MKI67: variants seen among roughly 807,000 people sequenced by gnomAD.
MKI67 encodes the protein proliferation marker protein Ki-67.
A neutral mutation model predicts 233.5 loss-of-function variants in MKI67; 152 were observed. The ratio of observed to expected loss-of-function variants is 0.65; its 90% CI spans 0.57 to 0.74. The LOEUF (loss-of-function observed/expected upper bound fraction) is 0.74, where lower values mean the gene tolerates loss of function less well. Among genes scored for constraint, MKI67 ranks in the 30% least tolerant of loss-of-function variants. The pLI is 0.00. For synonymous variants in MKI67, 1,465 were observed against 1,418.5 expected (o/e 1.03, Z -0.74); for missense variants, 3,940 against 3,885.2 (o/e 1.01, Z -0.37).
Position 128,108,167 on chromosome 10 carries a change from C to A in MKI67, c.3673G>T (p.Ala1225Ser). Residue 1225 changes from alanine (A) to serine (S), a missense_variant, in exon 13 of 15, where the codon GCT becomes TCT. Physicochemically the swap from Ala to Ser is moderately conservative, Grantham distance 99. Coordinates refer to ENST00000368654, the MANE Select transcript of MKI67 (RefSeq NM_002417.5). ...KEKAQALEDL[A>S]GFKELFQTPG... ...GTCTGGAAGAGCTCTTTAAAGCCAG[C>A]CAGGTCTTCTAGAGCCTGGGCCTTT... The A allele has an allele frequency of 6.2e-7, 1 of 1,611,222 alleles. No homozygotes were observed. The highest frequency in any genetic ancestry group is 2.2e-5 in the East Asian group (1 of 44,654).
intron 5 of MKI67, among the ~76,000 whole-genome samples, chr10:128,118,008 T>C (rs1852842724): frequency 6.6e-6 from 1 of 152,186 alleles, no homozygotes; most frequent in Non-Finnish European, 1.5e-5. Context: ...GTGGCTACAG[T>C]GTGGGATGCC....
intron 5 of MKI67, among the ~76,000 whole-genome samples, chr10:128,117,060 G>A (rs991404269): frequency 1.3e-5 from 2 of 152,312 alleles, no homozygotes; most frequent in Non-Finnish European, 2.9e-5. Context: ...AAAATAGTGA[G>A]TGATTAATAG....
chr10:128,126,343 C>G lies in MKI67; in HGVS notation c.-334G>C, dbSNP rs1015817165. The G allele has an allele frequency of 6.6e-6, 1 of 152,078 alleles. No homozygotes were observed. Among genetic ancestry groups the G allele is most frequent in the Non-Finnish European group, 1.5e-5 (1 of 67,988 alleles). 9.4% of individuals were successfully genotyped at this position (152,078 alleles called of 1,614,324 possible). A position where few individuals can be genotyped will look rare whatever the true frequency, so the allele number is the denominator to read the frequency against. On this transcript the variant is annotated 5_prime_UTR_variant, in exon 1 of 15. Coordinates refer to ENST00000368654, the MANE Select transcript of MKI67 (RefSeq NM_002417.5). ...TGGCCCTACAGGCTACGTCCCCGGG[C>G]GCCCGGCTCTAGCGGCTCCCACCGA... is the stretch of plus-strand genomic sequence containing the variant.
chr10:128,101,472 C>T lies in MKI67; in HGVS notation c.9491G>A (p.Ser3164Asn). 6.2e-7 allele frequency: 1 copy of T among 1,614,236 alleles called. No individual in the cohort carries two copies. ...RCLRSARQNE[S>N]SQPKVAEESG... is the part of the protein sequence containing the mutation. The stretch of plus-strand genomic sequence containing the variant: ...CTCCTCTGCCACCTTAGGCTGGGAG[C>T]TCTCATTCTGTCTAGCAGACCTCAA... Residue 3164 changes from serine (S) to asparagine (N), a missense_variant, in exon 14 of 15, where the codon AGC becomes AAC. Transcript: ENST00000368654.
In MKI67 at chr10:128,115,500, A is replaced by G; in HGVS notation, c.908T>C (p.Val303Ala). 1 of 1,614,180 alleles carries G rather than the reference A, an allele frequency of 6.2e-7. No individual in the cohort carries two copies. The highest frequency in any genetic ancestry group is 1.1e-5 in the South Asian group (1 of 91,080). ...RPKSGGSGHAVAEPASPEQEL... is the reference protein window; with the variant it reads ...RPKSGGSGHAAAEPASPEQEL... ...TTGTTCAGGTGAAGCAGGCTCTGCC[A>G]CAGCGTGGCCGCTCCCACCAGATTT... Residue 303 changes from valine to alanine, a missense_variant, in exon 7 of 15, where the codon GTG becomes GCG. Physicochemically the swap from Val to Ala is moderately conservative, Grantham distance 64 (BLOSUM62 0). Coordinates refer to ENST00000368654, the MANE Select transcript of MKI67 (RefSeq NM_002417.5).
rs765900004 is a variant in MKI67, at chr10:128,115,436, C to T, written c.972G>A (p.Glu324=). ...CAGCCTTGCTGGGAGTCTGAACAGA[C>T]TCCACGTCTCTTCCCTTCCCCTTGT... ...DQNKGKGRDV[E]SVQTPSKAVG... The change falls in exon 7 of 15, where the codon GAG becomes GAA. Residue 324 remains glutamate, a synonymous_variant. Coordinates refer to ENST00000368654, the MANE Select transcript of MKI67 (RefSeq NM_002417.5). 4 of 1,613,848 alleles carry T rather than the reference C, an allele frequency of 2.5e-6. No homozygotes were observed. In the East Asian group the frequency reaches 8.9e-5, roughly 36 times the overall value.
chr10:128,119,839 A>G (rs1309658936), intron 4 of MKI67, among the ~76,000 whole-genome samples: 1 of 152,236 alleles, frequency 6.6e-6, no homozygotes, highest in Non-Finnish European at 1.5e-5. Flanking sequence ...TTTCCCACAC[A>G]TTCAGTCTGT....
At chr10:128,109,885 T>C (rs1306527256) in intron 12 of MKI67, among the ~76,000 whole-genome samples, 1 of 152,206 alleles carries the variant, frequency 6.6e-6, no homozygotes, top group Non-Finnish European at 1.5e-5. Flanking sequence ...AGCTGTTCCC[T>C]CTGTGACAGG....
At chr10:128,102,481 G>T in intron 13 of MKI67, 98 bp downstream of exon 13, 3 of 1,442,220 alleles carry the variant, frequency 2.1e-6, no homozygotes, top group South Asian at 1.3e-5. Context: ...CTGGGGAAAG[G>T]ATAACCACTT....
In MKI67 at chr10:128,107,907, TATG is replaced by T. The variant is rs1212923447; in HGVS notation, c.3930_3932del (p.Ile1311del). On this transcript the variant is annotated inframe_deletion, in exon 13 of 15. Coordinates refer to ENST00000368654, the MANE Select transcript of MKI67 (RefSeq NM_002417.5). ...GTTTCTGCACTGGAGTTCCCACAAATATGATGATGTCTTTCTCTTCACCTACTG... is the reference window on the plus strand; with the variant it reads ...GTTTCTGCACTGGAGTTCCCACAAATATGATGTCTTTCTCTTCACCTACTG... 41 of 1,613,276 alleles carry T rather than the reference TATG, an allele frequency of 2.5e-5. No individual in the cohort carries two copies. Among genetic ancestry groups the T allele is most frequent in the Non-Finnish European group, 3.3e-5 (39 of 1,179,900 alleles).
Position 128,103,128 on chromosome 10 carries a change from C to A in MKI67, c.8712G>T (p.Gln2904His), listed in dbSNP as rs1852377824. The change falls in exon 13 of 15, where the codon CAG (glutamine) becomes CAT (histidine). Residue 2904 changes from glutamine to histidine, a missense_variant. By Grantham distance (24) the Gln-to-His change is conservative. Coordinates refer to ENST00000368654, the MANE Select transcript of MKI67 (RefSeq NM_002417.5). ...DAEDVIGSRRQPRAPKEKAQP... is the reference protein window; with the variant it reads ...DAEDVIGSRRHPRAPKEKAQP... ...GGGCCTTTTCCTTAGGTGCTCTTGG[C>A]TGTCTCCTGCTGCCAATTACATCTT... is the stretch of plus-strand genomic sequence containing the variant. 6.2e-7 allele frequency: 1 copy of A among 1,614,196 alleles called. No individual in the cohort carries two copies. The highest frequency in any genetic ancestry group is 1.3e-5 in the African/African-American group (1 of 75,038).
Position 128,116,544 on chromosome 10 carries a change from T to C in MKI67, c.355-8A>G, listed in dbSNP as rs763820643. 1 of 1,612,948 alleles carries C rather than the reference T, an allele frequency of 6.2e-7. No individual in the cohort carries two copies. On this transcript the variant is annotated splice_region_variant and splice_polypyrimidine_tract_variant and intron_variant, in intron 5 of 14. Coordinates refer to ENST00000368654, the MANE Select transcript of MKI67 (RefSeq NM_002417.5). ...GACACGACGTGCTGGCTCCTGTAAG[T>C]TGGGAAAATAAGAACAGTTATTTGC...
rs1340835835 is a variant in MKI67, at chr10:128,112,412, C to T, written c.1690G>A (p.Gly564Ser). Residue 564 changes from glycine (G) to serine (S), a missense_variant, in exon 9 of 15, where the codon GGT becomes AGT. Gly to Ser is a moderately conservative substitution (Grantham distance 56). Transcript: ENST00000368654. ...TTCACTTCCACATGGATTTCTGAAC[C>T]TGACTCTTGTTTTCCTGATGGTTGA... ...QPQPSGKQES[G>S]SEIHVEVKAQ... 7.4e-6 allele frequency: 12 copies of T among 1,614,022 alleles called. No homozygotes were observed. The highest frequency in any genetic ancestry group is 1.0e-5 in the Non-Finnish European group (12 of 1,180,008).
Position 128,096,848 on chromosome 10 carries a change from CA to C in MKI67, c.*2341del, listed in dbSNP as rs1852223051. On this transcript the variant is annotated 3_prime_UTR_variant, in exon 15 of 15. Transcript: ENST00000368654. ...GCTACAAAGAGGTACAGAACAATTC[CA>C]GGCAAACTAAGAACCTGCCCCAGCC... 1 of 152,212 alleles carries C rather than the reference CA, an allele frequency of 6.6e-6. No individual in the cohort carries two copies. The highest frequency in any genetic ancestry group is 6.5e-5 in the Admixed American group (1 of 15,286). The allele number at this position is 152,212 out of a possible 1,614,324, so 9.4% of individuals were successfully genotyped here.
At chr10:128,113,678 T>C in intron 7 of MKI67, 76 bp from the exon 8 acceptor site, 2 of 1,377,268 alleles carry the variant, frequency 1.5e-6, no homozygotes, top group Non-Finnish European at 2.0e-6. Flanking sequence ...CACGTTAGCA[T>C]TAAAGACAAA....
In MKI67 at chr10:128,104,984, G is replaced by A; in HGVS notation, c.6856C>T (p.Pro2286Ser). The A allele has an allele frequency of 6.2e-7, 1 of 1,613,266 alleles. No individual in the cohort carries two copies. Among genetic ancestry groups the A allele is most frequent in the Non-Finnish European group, 8.5e-7 (1 of 1,179,884 alleles). Residue 2286 changes from proline (P) to serine (S), a missense_variant, in exon 13 of 15, where the codon CCA becomes TCA. Coordinates refer to ENST00000368654, the MANE Select transcript of MKI67 (RefSeq NM_002417.5). ...EKDMKAFMGT[P>S]VQKLDLPGNL... ...CCTGGCAGGTCCAATTTCTGCACTG[G>A]AGTTCCCATAAATGCTTTCATGTCT...
At chr10:128,124,969 G>T (rs1853024406) in intron 2 of MKI67, among the ~76,000 whole-genome samples, 1 of 151,972 alleles carries the variant, frequency 6.6e-6, no homozygotes, top group African/African-American at 2.4e-5. Context: ...CGTGTGGTCT[G>T]GGAAATGACC....
rs774716360 is a variant in MKI67, at chr10:128,112,423, T to C, written c.1679A>G (p.Lys560Arg). The C allele has an allele frequency of 4.3e-6, 7 of 1,614,138 alleles. No homozygotes were observed. The highest frequency in any genetic ancestry group is 1.1e-5 in the South Asian group (1 of 91,088). ...ATGGATTTCTGAACCTGACTCTTGT[T>C]TTCCTGATGGTTGAGGCTGTTCCTG... ...IIKEQPQPSG[K>R]QESGSEIHVE... The change falls in exon 9 of 15, where the codon AAA becomes AGA. Residue 560 changes from lysine (K) to arginine (R), a missense_variant. Coordinates refer to ENST00000368654, the MANE Select transcript of MKI67 (RefSeq NM_002417.5).
intron 5 of MKI67, among the ~76,000 whole-genome samples, chr10:128,118,034 C>T (rs1177332927): frequency 2.0e-5 from 3 of 152,128 alleles, no homozygotes; most frequent in Admixed American, 1.3e-4. Context: ...AACTGGCTTC[C>T]AGCACGGGAA....
Sources: allele counts gnomAD v4.1 joint callset (sites outside exome capture counted in the v4.1 genomes callset), GRCh38; gene constraint gnomAD v4.1.1; transcripts MANE v1.5; gene names NCBI Gene and HGNC (gene_info 2026-07-23, HGNC 2026-07-21).